The following MPV17 variants were observed in gnomAD, a reference collection of about 807,000 sequenced individuals.
MPV17 encodes MPV17, mitochondrial inner membrane protein.
In MPV17, 31 loss-of-function variants were observed where a neutral mutation model predicts 28.6. The observed-to-expected ratio is 1.08, with a 90% CI of 0.81 to 1.46. MPV17 has a LOEUF of 1.46. MPV17 is among the 40% of genes most tolerant of loss of function. The pLI, the probability that MPV17 is intolerant of heterozygous loss-of-function variation, is 0.00. For missense variants in MPV17, 198 were observed against 216.2 expected, an observed-to-expected ratio of 0.92 and a Z score of 0.53; for synonymous variants, 87 against 85.3, an observed-to-expected ratio of 1.02 and a Z score of -0.11.
intron 2 of MPV17, chr2:27,321,994 A>G (rs961604956): frequency 5.1e-6 from 1 of 194,898 alleles, no homozygotes. Flanking sequence ...TATGTTTCAC[A>G]ATAAAAAATA....
At chr2:27,311,785 T>G (rs1679448432) in intron 7 of MPV17, 114 bp downstream of exon 7, 2 of 1,568,176 alleles carry the variant, frequency 1.3e-6, no homozygotes, top group Non-Finnish European at 1.7e-6. Context: ...TGATCACGGC[T>G]CAGTGTTCCG....
intron 2 of MPV17, among the ~76,000 whole-genome samples, chr2:27,318,392 C>G (rs1209467060): frequency 1.4e-5 from 2 of 147,264 alleles, no homozygotes; most frequent in African/African-American, 2.5e-5. Flanking sequence ...GAGTCTCGCT[C>G]TGTCGTCCAG....
intron 2 of MPV17, 160 bp downstream of exon 2, chr2:27,322,288 C>T: frequency 1.4e-6 from 1 of 728,438 alleles, no homozygotes; most frequent in Non-Finnish European, 2.4e-6. Flanking sequence ...GCCTTGGGGA[C>T]CACCCTCCAA....
chr2:27,316,176 C>T (rs900992717), intron 2 of MPV17: 8 of 1,551,172 alleles, frequency 5.2e-6, no homozygotes, highest in Non-Finnish European at 7.0e-6. Flanking sequence ...GGATGGCAGA[C>T]AGCAATATTC....
At chr2:27,311,853 G>T (rs1679451169) in intron 7 of MPV17, 46 bp downstream of exon 7, 1 of 1,605,782 alleles carries the variant, frequency 6.2e-7, no homozygotes, top group Admixed American at 1.7e-5. Flanking sequence ...TCCAACTGTT[G>T]GTAACGTGGG....
At chr2:27,314,739 A>G (rs1266237555) in intron 2 of MPV17, among the ~76,000 whole-genome samples, 1 of 152,128 alleles carries the variant, frequency 6.6e-6, no homozygotes, top group South Asian at 2.1e-4. Context: ...GAGTAATGAG[A>G]GCCCCCCTCC....
At position 27,317,289 on chromosome 2, in the gene MPV17, G is replaced by C; in HGVS notation, c.71-4180C>G. On this transcript the variant is annotated intron_variant, in intron 2 of 7. Coordinates refer to ENST00000380044, the MANE Select transcript of MPV17 (RefSeq NM_002437.5). The surrounding 1 kb of genome is among the most constrained non-coding windows in gnomAD (Gnocchi z 4.0). ...GGGGCTCAGTCTGGCACAGAGCCCA[G>C]AGGGAGTGGAAGCCCAGCAGCGGGA... is the stretch of plus-strand genomic sequence containing the variant. 1 of 1,421,310 alleles carries C rather than the reference G, an allele frequency of 7.0e-7. No individual in the cohort carries two copies. The highest frequency in any genetic ancestry group is 9.3e-7 in the Non-Finnish European group (1 of 1,072,676). The allele number at this position is 1,421,310 out of a possible 1,614,324, so 88.0% of individuals were successfully genotyped here.
intron 2 of MPV17, among the ~76,000 whole-genome samples, chr2:27,319,437 C>A (rs1679773752): frequency 6.9e-6 from 1 of 145,758 alleles, no homozygotes; most frequent in African/African-American, 2.5e-5. Flanking sequence ...GCAGAGGATC[C>A]TCTGTTGCCC....
At chr2:27,316,638 A>G (rs533215584) in intron 2 of MPV17, among the ~76,000 whole-genome samples, 1 of 152,196 alleles carries the variant, frequency 6.6e-6, no homozygotes, top group Non-Finnish European at 1.5e-5. Flanking sequence ...CCAGAGCCCA[A>G]ATAGACCCAA....
chr2:27,314,328 GA>G (rs1212038116), intron 2 of MPV17, among the ~76,000 whole-genome samples: 3 of 150,708 alleles, frequency 2.0e-5, no homozygotes, highest in East Asian at 3.9e-4. Flanking sequence ...ATCTCAAAAA[GA>G]AAAAAAAAGT....
At chr2:27,316,292 C>A (rs1679648277) in intron 2 of MPV17, 3 of 1,342,558 alleles carry the variant, frequency 2.2e-6, no homozygotes. Context: ...TCCCTGACTT[C>A]TAGCCCCATA....
At chr2:27,314,497 G>C (rs1470230297) in intron 2 of MPV17, among the ~76,000 whole-genome samples, 3 of 152,108 alleles carry the variant, frequency 2.0e-5, no homozygotes, top group Non-Finnish European at 2.9e-5. Context: ...AATGGATATA[G>C]TGGTCATTTC....
intron 2 of MPV17, chr2:27,316,049 C>A: frequency 6.5e-7 from 1 of 1,549,650 alleles, no homozygotes; most frequent in South Asian, 1.2e-5. Context: ...CTGGGTGTTC[C>A]TGCCCAAGTG....
At chr2:27,312,067 A>G (rs995792006) in intron 6 of MPV17, 116 bp from the exon 7 acceptor site, 2 of 1,466,440 alleles carry the variant, frequency 1.4e-6, no homozygotes, top group South Asian at 1.2e-5. Context: ...CAGTTGGGTG[A>G]TGGCTTCCCT....
intron 5 of MPV17, 54 bp downstream of exon 5, chr2:27,312,440 C>T: frequency 6.3e-7 from 1 of 1,579,824 alleles, no homozygotes; most frequent in Non-Finnish European, 8.7e-7. Context: ...TGTCTTCTTC[C>T]CCTGGGCTGT....
At chr2:27,322,131 T>C (rs1558605872) in intron 2 of MPV17, 2 of 445,320 alleles carry the variant, frequency 4.5e-6, no homozygotes, top group South Asian at 4.9e-5. Flanking sequence ...ATGAAAGTGC[T>C]TTGCATACGG....
intron 2 of MPV17, chr2:27,315,763 T>C (rs2148219034): frequency 5.4e-6 from 2 of 373,098 alleles, no homozygotes; most frequent in Non-Finnish European, 8.0e-6. Context: ...GGTTTCACCA[T>C]GTTAGCCAGG....
chr2:27,322,250 G>A (rs894908812), intron 2 of MPV17, 198 bp downstream of exon 2: 2 of 631,656 alleles, frequency 3.2e-6, no homozygotes, highest in African/African-American at 3.6e-5. Flanking sequence ...TGCACAGCTT[G>A]GCCAACTACG....
At chr2:27,312,634 C>T (rs1160891054) in intron 4 of MPV17, 45 bp from the exon 5 acceptor site, 5 of 1,613,092 alleles carry the variant, frequency 3.1e-6, no homozygotes, top group Non-Finnish European at 4.2e-6. Flanking sequence ...AAATCCCCAC[C>T]TACCCCCAAC....
Sources: gnomAD v4.1 joint callset for allele counts (sites outside exome capture counted in the v4.1 genomes callset) on GRCh38, gnomAD v4.1.1 for gene constraint, Gnocchi (gnomAD v3.1) non-coding constraint, MANE v1.5 for transcripts, NCBI Gene and HGNC (gene_info 2026-07-23, HGNC 2026-07-21) for gene names.